The following SMAD3 variants were observed in gnomAD, a reference collection of about 807,000 sequenced individuals.
SMAD3 encodes the protein SMAD family member 3.
SMAD3 carries 12 observed loss-of-function variants against 51.8 expected under a neutral mutation model. The observed-to-expected ratio is 0.23, with a 90% CI of 0.15 to 0.38. The LOEUF (loss-of-function observed/expected upper bound fraction) is 0.38, where lower values mean the gene tolerates loss of function less well. Among genes scored for constraint, SMAD3 ranks in the 10% least tolerant of loss-of-function variants. The pLI, the probability that SMAD3 is intolerant of heterozygous loss-of-function variation, is 1.00. For missense variants in SMAD3, 294 were observed against 565.6 expected (o/e 0.52, Z 4.87); for synonymous variants, 238 against 227.7 (o/e 1.05, Z -0.41).
rs140077713 is a variant in SMAD3, at chr15:67,106,124, C to T, written c.206+39764C>T. ...ACCCAAATCAGGATGTTTCTGGCCC[C>T]GTCTCCCTCCTACCTGGTCTCCCTG... On this transcript the variant is annotated intron_variant, in intron 1 of 8. Coordinates refer to ENST00000327367, the MANE Select transcript of SMAD3 (RefSeq NM_005902.4). Among the ~76,000 whole-genome samples the T allele has an allele frequency of 1.1e-4, 16 of 152,256 alleles. No individual in the cohort carries two copies. In the East Asian group the frequency reaches 1.9e-3, roughly 18 times the overall value.
At chr15:67,180,972 CTAAATAAATAAATAAA>C (rs60300820) in intron 5 of SMAD3, among the ~76,000 whole-genome samples, 3 of 145,858 alleles carry the variant, frequency 2.1e-5, no homozygotes, top group African/African-American at 2.5e-5. Context: ...CCTTTATGAG[CTAAATAAATAAATAAA>C]TAAATAAATA....
intron 3 of SMAD3, 56 bp downstream of exon 3, chr15:67,165,440 G>T: frequency 6.2e-7 from 1 of 1,600,298 alleles, no homozygotes; most frequent in South Asian, 1.1e-5. Context: ...GGTCAGCCCC[G>T]ACATCAGTCC....
Position 67,112,712 on chromosome 15 carries a change from G to C in SMAD3, c.206+46352G>C, listed in dbSNP as rs1376443663. Among the ~76,000 whole-genome samples the C allele has an allele frequency of 2.3e-5, 3 of 132,498 alleles. 1 individual carries two copies. Among genetic ancestry groups the C allele is most frequent in the African/African-American group, 9.0e-5 (3 of 33,396 alleles). The allele number at this position is 132,498 out of a possible 152,430, so 86.9% of individuals were successfully genotyped here. On this transcript the variant is annotated intron_variant, in intron 1 of 8. Coordinates refer to ENST00000327367, the MANE Select transcript of SMAD3 (RefSeq NM_005902.4). ...TTTGTGTTGTATCTAAGAAACTGTT[G>C]CTTAATCCAGGGTCACAAAAATTTA...
At chr15:67,145,198 T>C (rs571752336) in intron 1 of SMAD3, among the ~76,000 whole-genome samples, 2 of 152,270 alleles carry the variant, frequency 1.3e-5, no homozygotes, top group East Asian at 3.9e-4. Flanking sequence ...CTTGGAAATA[T>C]CTGGTCCAGC....
intron 1 of SMAD3, among the ~76,000 whole-genome samples, chr15:67,113,253 A>T (rs1301022188): frequency 1.2e-5 from 1 of 85,600 alleles, no homozygotes; most frequent in Non-Finnish European, 2.3e-5. Context: ...CGCCCGGCCA[A>T]TTTTTTTTTT....
intron 8 of SMAD3, among the ~76,000 whole-genome samples, chr15:67,189,365 G>C (rs909799491): frequency 2.0e-4 from 30 of 152,314 alleles, no homozygotes; most frequent in South Asian, 1.9e-3. Context: ...CTTCAAGACA[G>C]CAACACTGTT....
intron 4 of SMAD3, among the ~76,000 whole-genome samples, chr15:67,167,124 A>C (rs1489157041): frequency 1.3e-5 from 2 of 152,194 alleles, no homozygotes; most frequent in Admixed American, 6.5e-5. Flanking sequence ...GGCACACAGC[A>C]GGGCCACTTC....
chr15:67,115,117 G>A (rs1961105913), intron 1 of SMAD3, among the ~76,000 whole-genome samples: 1 of 152,186 alleles, frequency 6.6e-6, no homozygotes, highest in Non-Finnish European at 1.5e-5. Context: ...TTCTGGTCCA[G>A]TGCTCTGCCC....
At chr15:67,080,802 G>A (rs528601708) in intron 1 of SMAD3, among the ~76,000 whole-genome samples, 2 of 152,310 alleles carry the variant, frequency 1.3e-5, no homozygotes, top group African/African-American at 2.4e-5. Flanking sequence ...CCCTGCCAAC[G>A]GAATTCTGCA....
chr15:67,125,231 G>C (rs1367677309), intron 1 of SMAD3, among the ~76,000 whole-genome samples: 1 of 152,224 alleles, frequency 6.6e-6, no homozygotes, highest in Non-Finnish European at 1.5e-5. Context: ...GTTTGCTGCT[G>C]AACCTCCTGG....
chr15:67,176,913 C>T (rs1317485885), intron 5 of SMAD3, among the ~76,000 whole-genome samples: 10 of 152,194 alleles, frequency 6.6e-5, no homozygotes, highest in Non-Finnish European at 1.3e-4. Context: ...GCCGTGGGCA[C>T]GTGCCATCGT....
intron 1 of SMAD3, among the ~76,000 whole-genome samples, chr15:67,149,656 T>C (rs1962076448): frequency 6.6e-6 from 1 of 152,082 alleles, no homozygotes; most frequent in Non-Finnish European, 1.5e-5. Flanking sequence ...CCAGAACCTT[T>C]TTTTTTTTAG....
intron 1 of SMAD3, among the ~76,000 whole-genome samples, chr15:67,146,353 G>C (rs530765964): frequency 6.6e-6 from 1 of 152,384 alleles, no homozygotes; most frequent in South Asian, 2.1e-4. Flanking sequence ...GAGGAGCAGA[G>C]AGTATGCCTA....
chr15:67,172,044 A>G (rs1194604973), intron 5 of SMAD3, among the ~76,000 whole-genome samples: 1 of 152,228 alleles, frequency 6.6e-6, no homozygotes, highest in African/African-American at 2.4e-5. Flanking sequence ...TAGCAGTCCC[A>G]GGGCAGGTTG....
At chr15:67,187,045 T>A (rs1963239366) in intron 7 of SMAD3, 1 of 522,680 alleles carries the variant, frequency 1.9e-6, no homozygotes, top group African/African-American at 1.9e-5. Flanking sequence ...CCACACCATC[T>A]CCCTATTTTT....
chr15:67,092,090 C>CGAG (rs1473233704), intron 1 of SMAD3, among the ~76,000 whole-genome samples: 1 of 152,128 alleles, frequency 6.6e-6, no homozygotes, highest in East Asian at 1.9e-4. Context: ...AACACTGTGG[C>CGAG]CTCTCCCTCC....
Position 67,138,334 on chromosome 15 carries a change from C to T in SMAD3, c.207-26561C>T, listed in dbSNP as rs1259248959. The T allele has an allele frequency of 2.6e-5, 13 of 499,656 alleles. No individual in the cohort carries two copies. In the Admixed American group the frequency reaches 2.6e-4, roughly 10 times the overall value. The allele number at this position is 499,656 out of a possible 1,614,324, so 31.0% of individuals were successfully genotyped here. ...GTTCTGGGCTCTGGGACCCTGCTCC[C>T]CTCCCCTGAACCCCCCCTCCCCCGG... On this transcript the variant is annotated intron_variant, in intron 1 of 8. Coordinates refer to ENST00000327367, the MANE Select transcript of SMAD3 (RefSeq NM_005902.4).
At chr15:67,069,187 C>T (rs747811551) in intron 1 of SMAD3, among the ~76,000 whole-genome samples, 1 of 152,168 alleles carries the variant, frequency 6.6e-6, no homozygotes, top group Non-Finnish European at 1.5e-5. Flanking sequence ...TTTCAATTAT[C>T]AGGGGAGCTG....
At chr15:67,178,548 G>A (rs760450970) in intron 5 of SMAD3, among the ~76,000 whole-genome samples, 1 of 152,192 alleles carries the variant, frequency 6.6e-6, no homozygotes, top group Non-Finnish European at 1.5e-5. Flanking sequence ...ACAAAACTGA[G>A]GTTACAGAAG....
Sources: gnomAD v4.1 joint callset for allele counts (sites outside exome capture counted in the v4.1 genomes callset) on GRCh38, gnomAD v4.1.1 for gene constraint, MANE v1.5 for transcripts, NCBI Gene and HGNC (gene_info 2026-07-23, HGNC 2026-07-21) for gene names.